Variants in TRPV5 observed in about 807,000 individuals in gnomAD.
TRPV5 encodes the protein transient receptor potential cation channel subfamily V member 5.
In TRPV5, 66 loss-of-function variants were observed where a neutral mutation model predicts 74.1. That is an observed-to-expected ratio of 0.89 (90% CI 0.73 to 1.09). The LOEUF is 1.09. Among genes scored for constraint, TRPV5 ranks in the 50% least tolerant of loss-of-function variants. TRPV5 has a pLI of 0.00. For missense variants in TRPV5, 936 were observed against 930.4 expected (o/e 1.01, Z -0.08); for synonymous variants, 399 against 360.7 (o/e 1.11, Z -1.20).
chr7:142,923,698 G>A (rs1795921450), intron 8 of TRPV5, among the ~76,000 whole-genome samples: 2 of 152,200 alleles, frequency 1.3e-5, no homozygotes, highest in African/African-American at 4.8e-5. Flanking sequence ...TGGGTCAGGT[G>A]TTCAGCTATA....
intron 8 of TRPV5, among the ~76,000 whole-genome samples, chr7:142,924,434 G>A (rs1795951448): frequency 6.7e-6 from 1 of 148,450 alleles, no homozygotes; most frequent in Non-Finnish European, 1.5e-5. Flanking sequence ...AAAAACAGGA[G>A]AGATGGAGTG....
intron 1 of TRPV5, among the ~76,000 whole-genome samples, chr7:142,932,635 C>T (rs1459408293): frequency 1.3e-5 from 2 of 152,218 alleles, no homozygotes; most frequent in South Asian, 2.1e-4. Context: ...CCACAGGATT[C>T]GTCCCTGCCC....
chr7:142,929,757 A>G (rs1796052902), intron 3 of TRPV5, among the ~76,000 whole-genome samples, 192 bp from the exon 4 acceptor site: 1 of 152,066 alleles, frequency 6.6e-6, no homozygotes, highest in African/African-American at 2.4e-5. Flanking sequence ...CCTACCCTTC[A>G]GTTATTGGGA....
At chr7:142,929,309 G>A in intron 4 of TRPV5, 119 bp downstream of exon 4, 1 of 1,531,310 alleles carries the variant, frequency 6.5e-7, no homozygotes, top group Non-Finnish European at 8.8e-7. Flanking sequence ...GCCCTAGAAG[G>A]GCTGCCCCTC....
At chr7:142,926,944 T>C (rs1285907284) in intron 7 of TRPV5, among the ~76,000 whole-genome samples, 1 of 152,222 alleles carries the variant, frequency 6.6e-6, no homozygotes, top group Non-Finnish European at 1.5e-5. Context: ...AAATTGTCAC[T>C]GTGGCAGATA....
chr7:142,921,119 G>C (rs1795879454), intron 8 of TRPV5, among the ~76,000 whole-genome samples: 2 of 152,028 alleles, frequency 1.3e-5, no homozygotes. Context: ...ACTTACGAGG[G>C]ATGATGATGT....
intron 1 of TRPV5, 21 bp from the exon 2 acceptor site, chr7:142,930,467 G>C: frequency 6.3e-7 from 1 of 1,583,306 alleles, no homozygotes; most frequent in Non-Finnish European, 8.7e-7. Context: ...GTGAACGTGA[G>C]TTTGGAAGAG....
intron 8 of TRPV5, among the ~76,000 whole-genome samples, chr7:142,918,328 C>T (rs1435327824): frequency 6.6e-6 from 1 of 152,136 alleles, no homozygotes. Context: ...ATCAGGGCAC[C>T]CATTCTCCAG....
chr7:142,908,355 G>C lies in TRPV5; in HGVS notation c.*159C>G. On this transcript the variant is annotated 3_prime_UTR_variant, in exon 15 of 15. Transcript: ENST00000265310. Reference sequence around the variant, plus strand: ...ACCATTGCCCATTGCCAGAAATTCTGATGTGAAGTGTGAGGCATGACCCTT... The same window carrying C: ...ACCATTGCCCATTGCCAGAAATTCTCATGTGAAGTGTGAGGCATGACCCTT... The C allele has an allele frequency of 1.3e-6, 1 of 779,070 alleles. No homozygotes were observed. Among genetic ancestry groups the C allele is most frequent in the Non-Finnish European group, 2.0e-6 (1 of 489,028 alleles). The allele number at this position is 779,070 out of a possible 1,614,324, so 48.3% of individuals were successfully genotyped here. A position where few individuals can be genotyped will look rare whatever the true frequency, so the allele number is the denominator to read the frequency against.
rs765320089 is a variant in TRPV5 at position 142,915,584 on chromosome 7, CAGA to C, written c.1123-19_1123-17del. On this transcript the variant is annotated splice_polypyrimidine_tract_variant and intron_variant, in intron 8 of 14. Coordinates refer to ENST00000265310, the MANE Select transcript of TRPV5 (RefSeq NM_019841.7). ...CATAGGCCTCCTATGTGGGGAAATT[CAGA>C]AGAAGTGCTTTCTGATGGGCAGAGT... The C allele has an allele frequency of 1.1e-5, 18 of 1,612,906 alleles. No homozygotes were observed. The highest frequency in any genetic ancestry group is 4.4e-5 in the South Asian group (4 of 91,024).
rs1378989512 is a variant in TRPV5 at position 142,928,788 on chromosome 7, T to C, written c.665A>G (p.Tyr222Cys). The C allele has an allele frequency of 3.1e-6, 5 of 1,614,022 alleles. No individual in the cohort carries two copies. The highest frequency in any genetic ancestry group is 1.7e-6 in the Non-Finnish European group (2 of 1,179,994). Residue 222 changes from tyrosine to cysteine, a missense_variant, in exon 6 of 15, where the codon TAT (tyrosine) becomes TGT (cysteine). Physicochemically the swap from Tyr to Cys is radical, Grantham distance 194. Coordinates refer to ENST00000265310, the MANE Select transcript of TRPV5 (RefSeq NM_019841.7). ...ACQMYNLLLS[Y>C]DGHGDHLQPL... The stretch of plus-strand genomic sequence containing the variant: ...CTGCAGGTGGTCCCCATGTCCATCA[T>C]AGGACAGCAGCAGGTTGTACATCTG...
chr7:142,917,848 T>C (rs910817904), intron 8 of TRPV5, among the ~76,000 whole-genome samples: 2 of 152,194 alleles, frequency 1.3e-5, no homozygotes, highest in East Asian at 1.9e-4. Context: ...AACCCTTCTG[T>C]AGGGTTTTGT....
intron 6 of TRPV5, among the ~76,000 whole-genome samples, 184 bp downstream of exon 6, chr7:142,928,507 A>T (rs1205300688): frequency 5.3e-5 from 8 of 152,344 alleles, no homozygotes; most frequent in Non-Finnish European, 1.2e-4. Flanking sequence ...CTCTTGAGTC[A>T]AGGACCATGA....
chr7:142,925,958 A>T (rs1795981704), intron 7 of TRPV5, among the ~76,000 whole-genome samples: 1 of 152,218 alleles, frequency 6.6e-6, no homozygotes, highest in African/African-American at 2.4e-5. Context: ...CCATAGCACC[A>T]AAGAGGATTT....
chr7:142,929,958 CA>C (rs1796056405), intron 3 of TRPV5, 99 bp downstream of exon 3: 17 of 1,574,368 alleles, frequency 1.1e-5, no homozygotes, highest in Non-Finnish European at 1.5e-5. Flanking sequence ...GACCCTCCAT[CA>C]CCCCACCCCA....
rs1037097229 is a variant in TRPV5, at chr7:142,929,082, C to T, written c.526G>A (p.Glu176Lys). The T allele has an allele frequency of 1.1e-5, 18 of 1,614,006 alleles. No homozygotes were observed. Among genetic ancestry groups the T allele is most frequent in the Non-Finnish European group, 1.4e-5 (16 of 1,180,024 alleles). ...TCAATGAGCAGCCGCACGATCTCCT[C>T]GCTGTTCACACAGGCAGCAAAGGAC... ...PLSFAACVNSEEIVRLLIEHG... is the reference protein window; with the variant it reads ...PLSFAACVNSKEIVRLLIEHG... Residue 176 changes from glutamate to lysine, a missense_variant, in exon 5 of 15, where the codon GAG becomes AAG. Coordinates refer to ENST00000265310, the MANE Select transcript of TRPV5 (RefSeq NM_019841.7).
rs376544838 is a variant in TRPV5, at chr7:142,912,707, C to A, written c.1563G>T (p.Gly521=). ...IFQTEDPTSL[G]QFYDYPMALF... is the part of the protein sequence containing the mutation. Reference sequence around the variant, plus strand: ...GTGCCATGGGGTAGTCATAGAATTGCCCCAGACTGGTTGGGTCCTCTGTCT... The same window carrying A: ...GTGCCATGGGGTAGTCATAGAATTGACCCAGACTGGTTGGGTCCTCTGTCT... Residue 521 remains glycine, a synonymous_variant, in exon 13 of 15, where the codon GGG becomes GGT. Coordinates refer to ENST00000265310, the MANE Select transcript of TRPV5 (RefSeq NM_019841.7). The A allele has an allele frequency of 1.2e-6, 2 of 1,614,196 alleles. No individual in the cohort carries two copies. Among genetic ancestry groups the A allele is most frequent in the South Asian group, 2.2e-5 (2 of 91,082 alleles).
At position 142,928,748 on chromosome 7, in the gene TRPV5, C is replaced by T. The variant is rs775731113; in HGVS notation, c.705G>A (p.Val235=). ...AGGGGGTGAGACCCTGGTGATTGGG[C>T]ACAAGGTCCAGGGGCTGCAGGTGGT... is the stretch of plus-strand genomic sequence containing the variant. ...HGDHLQPLDL[V]PNHQGLTPFK... is the part of the protein sequence containing the mutation. Residue 235 remains valine (V), a synonymous_variant, in exon 6 of 15, where the codon GTG becomes GTA. Coordinates refer to ENST00000265310, the MANE Select transcript of TRPV5 (RefSeq NM_019841.7). The T allele has an allele frequency of 1.2e-6, 2 of 1,614,150 alleles. No individual in the cohort carries two copies.
chr7:142,923,107 C>A (rs888955692), intron 8 of TRPV5, among the ~76,000 whole-genome samples: 1 of 152,092 alleles, frequency 6.6e-6, no homozygotes, highest in African/African-American at 2.4e-5. Context: ...TCCACAGATC[C>A]CAAGAGATCT....
Sources: allele counts gnomAD v4.1 joint callset (sites outside exome capture counted in the v4.1 genomes callset), GRCh38; gene constraint gnomAD v4.1.1; transcripts MANE v1.5; gene names NCBI Gene and HGNC (gene_info 2026-07-23, HGNC 2026-07-21).